Variants in LRRN2 observed in about 807,000 individuals in gnomAD.
The protein encoded by LRRN2 is leucine rich repeat neuronal 2.
LRRN2 carries 10 observed loss-of-function variants against 35.7 expected under a neutral mutation model. The observed-to-expected ratio is 0.28, with a 90% CI of 0.17 to 0.47. The LOEUF (loss-of-function observed/expected upper bound fraction) is 0.47, where lower values mean the gene tolerates loss of function less well. LRRN2 is among the 20% of genes least tolerant of loss of function. The pLI is 0.99. For synonymous variants in LRRN2, 391 were observed against 409.6 expected (o/e 0.95, Z 0.55); for missense variants, 731 against 940.3 (o/e 0.78, Z 2.91).
intron 1 of LRRN2, among the ~76,000 whole-genome samples, chr1:204,657,803 A>G (rs1320723483): frequency 6.6e-6 from 1 of 151,676 alleles, no homozygotes; most frequent in Non-Finnish European, 1.5e-5. Flanking sequence ...TCGTCTCTCA[A>G]CTCTCTGAGG....
chr1:204,642,194 G>A (rs1287350393), intron 1 of LRRN2, among the ~76,000 whole-genome samples: 1 of 152,164 alleles, frequency 6.6e-6, no homozygotes, highest in Non-Finnish European at 1.5e-5. Flanking sequence ...ATTCTCTCCT[G>A]TAATAATGAT....
chr1:204,666,492 G>A (rs1668576441), intron 1 of LRRN2, among the ~76,000 whole-genome samples: 1 of 152,142 alleles, frequency 6.6e-6, no homozygotes, highest in African/African-American at 2.4e-5. Context: ...TGTGATCCTG[G>A]GCCAGTTAGC....
At chr1:204,683,895 A>G (rs746345049) in intron 1 of LRRN2, among the ~76,000 whole-genome samples, 25 of 152,316 alleles carry the variant, frequency 1.6e-4, no homozygotes, top group Non-Finnish European at 2.8e-4. Flanking sequence ...GGCCACCCAC[A>G]TGTGGCTTTT....
intron 1 of LRRN2, among the ~76,000 whole-genome samples, chr1:204,639,377 T>C (rs1490705113): frequency 6.6e-6 from 1 of 152,198 alleles, no homozygotes; most frequent in Non-Finnish European, 1.5e-5. Flanking sequence ...CTCATGCCTG[T>C]AATCCCAGCA....
intron 1 of LRRN2, among the ~76,000 whole-genome samples, chr1:204,663,025 C>T (rs185901278): frequency 6.4e-4 from 98 of 152,310 alleles, no homozygotes; most frequent in Middle Eastern, 6.8e-3. Context: ...ACTCATGTTT[C>T]CTCAAATAGT....
intron 1 of LRRN2, among the ~76,000 whole-genome samples, chr1:204,654,392 G>A (rs146518760): frequency 1.2e-4 from 18 of 152,286 alleles, no homozygotes; most frequent in Non-Finnish European, 2.6e-4. Context: ...TTGTCCCAAC[G>A]GTGGCCTATT....
intron 1 of LRRN2, among the ~76,000 whole-genome samples, chr1:204,668,469 C>A (rs1441064257): frequency 6.6e-6 from 1 of 152,136 alleles, no homozygotes; most frequent in Non-Finnish European, 1.5e-5. Context: ...GTGGTGCGTG[C>A]CTGTGGACCC....
At position 204,618,654 on chromosome 1, in the gene LRRN2, C is replaced by G; in HGVS notation, c.1339G>C (p.Ala447Pro). Residue 447 changes from alanine (A) to proline (P), a missense_variant, in exon 2 of 2, where the codon GCA becomes CCA. Ala to Pro is a conservative substitution (Grantham distance 27, BLOSUM62 -1). Around this residue, in one of 3 missense-constraint regions of LRRN2, gnomAD observed 256 missense variants for 392.4 expected, o/e 0.65. Transcript: ENST00000367177. The part of the protein sequence containing the change: ...SGESMVLHCR[A>P]LAEPEPEIYW... ...ATCTCGGGTTCGGGTTCGGCCAGTGCCCGGCAATGCAGCACCATGCTCTCT... is the reference window on the plus strand; with the variant it reads ...ATCTCGGGTTCGGGTTCGGCCAGTGGCCGGCAATGCAGCACCATGCTCTCT... 1 of 1,607,840 alleles carries G rather than the reference C, an allele frequency of 6.2e-7. No homozygotes were observed. The highest frequency in any genetic ancestry group is 8.5e-7 in the Non-Finnish European group (1 of 1,176,856).
chr1:204,628,485 A>G (rs1049199968), intron 1 of LRRN2: 2 of 152,262 alleles, frequency 1.3e-5, no homozygotes, highest in African/African-American at 4.8e-5. Flanking sequence ...AAAGATGTCT[A>G]GAGAGTGCCC....
At chr1:204,651,163 C>A (rs1188454705) in intron 1 of LRRN2, among the ~76,000 whole-genome samples, 1 of 152,234 alleles carries the variant, frequency 6.6e-6, no homozygotes, top group Admixed American at 6.5e-5. Flanking sequence ...CTGGAAGGCA[C>A]CATCTAGGAG....
At chr1:204,632,861 G>A (rs548440169) in intron 1 of LRRN2, among the ~76,000 whole-genome samples, 36 of 151,712 alleles carry the variant, frequency 2.4e-4, no homozygotes, top group African/African-American at 8.5e-4. Flanking sequence ...GTGAACCCGG[G>A]AGGTGGAGCT....
chr1:204,681,716 C>A (rs779420851), intron 1 of LRRN2, among the ~76,000 whole-genome samples: 13 of 152,222 alleles, frequency 8.5e-5, no homozygotes, highest in Non-Finnish European at 1.5e-4. Context: ...TTGAGGCTAA[C>A]TTGGTGAAAT....
chr1:204,678,248 C>A (rs1668869204), intron 1 of LRRN2, among the ~76,000 whole-genome samples: 1 of 152,158 alleles, frequency 6.6e-6, no homozygotes, highest in Non-Finnish European at 1.5e-5. Context: ...AGTAGGTTTC[C>A]TTACCAGTAA....
At chr1:204,624,506 A>G (rs992752519) in intron 1 of LRRN2, among the ~76,000 whole-genome samples, 3 of 152,196 alleles carry the variant, frequency 2.0e-5, no homozygotes, top group African/African-American at 7.2e-5. Context: ...TGTCAGGTCT[A>G]TGTTCTCGGG....
intron 1 of LRRN2, among the ~76,000 whole-genome samples, chr1:204,674,330 T>G (rs1193814788): frequency 7.1e-6 from 1 of 140,540 alleles, no homozygotes; most frequent in African/African-American, 2.7e-5. Context: ...CTCACTACTC[T>G]CCCAGCTCTT....
intron 1 of LRRN2, among the ~76,000 whole-genome samples, chr1:204,622,880 A>G (rs911584730): frequency 6.6e-6 from 1 of 152,154 alleles, no homozygotes; most frequent in East Asian, 1.9e-4. Flanking sequence ...CTGAGCAACC[A>G]TTTCCTTCTG....
chr1:204,650,656 A>C (rs1165792198), intron 1 of LRRN2, among the ~76,000 whole-genome samples: 1 of 152,148 alleles, frequency 6.6e-6, no homozygotes, highest in Non-Finnish European at 1.5e-5. Context: ...ACCTGCCAGA[A>C]GTTCCCACTT....
intron 1 of LRRN2, among the ~76,000 whole-genome samples, chr1:204,684,578 C>T (rs1023771392): frequency 5.3e-5 from 8 of 152,138 alleles, no homozygotes; most frequent in African/African-American, 1.7e-4. Flanking sequence ...CCACCCTTTG[C>T]CAGCAGGACA....
At chr1:204,638,273 G>A (rs1332049794) in intron 1 of LRRN2, among the ~76,000 whole-genome samples, 3 of 152,100 alleles carry the variant, frequency 2.0e-5, no homozygotes, top group East Asian at 3.9e-4. Context: ...AACAGGACTC[G>A]GCTCTGTGAT....
Sources: allele counts gnomAD v4.1 joint callset (sites outside exome capture counted in the v4.1 genomes callset), GRCh38; gene constraint gnomAD v4.1.1; regional missense constraint gnomAD v4.1.1; transcripts MANE v1.5; gene names NCBI Gene and HGNC (gene_info 2026-07-23, HGNC 2026-07-21).